PGCKA1: variants seen among roughly 807,000 people sequenced by gnomAD.
PGCKA1 encodes the protein PDCD10 and GCKIII kinases associated 1, also known as PDCD10 and GCKIII kinases-associated protein 1.
chr4:37,582,188 C>T, the PGCKA1 span, among the ~76,000 whole-genome samples: 1 of 152,266 alleles, frequency 6.6e-6, no homozygotes, highest in Non-Finnish European at 1.5e-5. Context: ...TCTTTAGTGC[C>T]TCTTTCAGCA....
chr4:37,461,035 G>T, the PGCKA1 span: 2 of 229,344 alleles, frequency 8.7e-6, no homozygotes, highest in Non-Finnish European at 1.8e-5. Flanking sequence ...AAGGGGTGCA[G>T]TTTCAGTTTT....
At chr4:37,513,966 A>G in the PGCKA1 span, among the ~76,000 whole-genome samples, 2 of 152,336 alleles carry the variant, frequency 1.3e-5, no homozygotes, top group East Asian at 3.9e-4. Context: ...TTCTGTCTTT[A>G]TTTTGTGCTG....
chr4:37,563,385 T>C, the PGCKA1 span, among the ~76,000 whole-genome samples: 2 of 152,206 alleles, frequency 1.3e-5, no homozygotes, highest in East Asian at 3.9e-4. Flanking sequence ...CTCTCCTCAG[T>C]GTGCTCTGGA....
At chr4:37,591,264 A>C in the PGCKA1 span, 1 of 355,362 alleles carries the variant, frequency 2.8e-6, no homozygotes, top group Admixed American at 4.4e-5. Flanking sequence ...TCCACAGAAA[A>C]TGCAGAAGTT....
chr4:37,490,082 A>G, the PGCKA1 span, among the ~76,000 whole-genome samples: 1 of 152,196 alleles, frequency 6.6e-6, no homozygotes, highest in African/African-American at 2.4e-5. Context: ...ATTCTTGTGA[A>G]TCAAATTATA....
chr4:37,513,711 G>C, the PGCKA1 span, among the ~76,000 whole-genome samples: 1 of 152,110 alleles, frequency 6.6e-6, no homozygotes, highest in Non-Finnish European at 1.5e-5. Flanking sequence ...CATTAGATTT[G>C]GTGATTGAGA....
At chr4:37,485,035 G>A in the PGCKA1 span, among the ~76,000 whole-genome samples, 1 of 152,170 alleles carries the variant, frequency 6.6e-6, no homozygotes, top group South Asian at 2.1e-4. Context: ...TATGTTGCAT[G>A]CTATTTTATA....
At chr4:37,525,617 A>C in the PGCKA1 span, among the ~76,000 whole-genome samples, 2 of 152,200 alleles carry the variant, frequency 1.3e-5, no homozygotes, top group African/African-American at 4.8e-5. Flanking sequence ...AATATATTGC[A>C]GTCAGCTTAA....
chr4:37,489,961 G>A, the PGCKA1 span, among the ~76,000 whole-genome samples: 3 of 152,068 alleles, frequency 2.0e-5, no homozygotes, highest in South Asian at 2.1e-4. Context: ...AATTTGTCAT[G>A]AGAAATTGTC....
At chr4:37,481,959 C>T in the PGCKA1 span, among the ~76,000 whole-genome samples, 1 of 152,180 alleles carries the variant, frequency 6.6e-6, no homozygotes, top group Admixed American at 6.5e-5. Flanking sequence ...GCTTGGCTCT[C>T]ATTCGCCTTC....
chr4:37,583,150 T>G, the PGCKA1 span, among the ~76,000 whole-genome samples: 1 of 152,344 alleles, frequency 6.6e-6, no homozygotes, highest in Non-Finnish European at 1.5e-5. Flanking sequence ...ATTTGGCCAG[T>G]AAAACTTCTA....
chr4:37,541,496 C>T, the PGCKA1 span, among the ~76,000 whole-genome samples: 945 of 152,278 alleles, frequency 6.2e-3, 12 homozygotes, highest in African/African-American at 0.022. Context: ...GAGAGTCTGC[C>T]CTCTCCGCCC....
At chr4:37,495,104 A>G in the PGCKA1 span, among the ~76,000 whole-genome samples, 3 of 152,138 alleles carry the variant, frequency 2.0e-5, no homozygotes, top group Admixed American at 6.5e-5. Context: ...GAGAACATTC[A>G]TGCGGCCAAC....
the PGCKA1 span, among the ~76,000 whole-genome samples, chr4:37,578,411 A>G: frequency 7.1e-4 from 108 of 151,930 alleles, no homozygotes; most frequent in Non-Finnish European, 9.4e-4. Flanking sequence ...ATCTTTTTCT[A>G]TGTCTTTATT....
the PGCKA1 span, among the ~76,000 whole-genome samples, chr4:37,543,012 A>G: frequency 6.6e-6 from 1 of 152,164 alleles, no homozygotes; most frequent in Non-Finnish European, 1.5e-5. Context: ...ACTGCTTGCT[A>G]TCATCTAATT....
the PGCKA1 span, among the ~76,000 whole-genome samples, chr4:37,568,791 C>G: frequency 3.3e-5 from 5 of 152,180 alleles, no homozygotes; most frequent in Admixed American, 3.3e-4. Context: ...AGTTGAAGTT[C>G]CCCTTTTTTC....
the PGCKA1 span, among the ~76,000 whole-genome samples, chr4:37,470,068 A>G: frequency 0.4 from 61,267 of 152,118 alleles, 12,744 homozygotes; most frequent in East Asian, 0.56. Flanking sequence ...TGTATTGAAC[A>G]TCTCCCAAAT....
At chr4:37,530,289 C>T in the PGCKA1 span, among the ~76,000 whole-genome samples, 4 of 152,048 alleles carry the variant, frequency 2.6e-5, no homozygotes, top group Admixed American at 1.3e-4. Flanking sequence ...ATAGCAATGC[C>T]GGCTGGGCAT....
chr4:37,593,130 T>G, the PGCKA1 span, among the ~76,000 whole-genome samples: 1 of 152,226 alleles, frequency 6.6e-6, no homozygotes, highest in Non-Finnish European at 1.5e-5. Flanking sequence ...TAGAGGTATG[T>G]CTCCTTTTGT....
Sources: gnomAD v4.1 joint callset for allele counts (sites outside exome capture counted in the v4.1 genomes callset) on GRCh38, gnomAD v4.1.1 for gene constraint, MANE v1.5 for transcripts, NCBI Gene and HGNC (gene_info 2026-07-23, HGNC 2026-07-21) for gene names.